UNC79: variants seen among roughly 807,000 people sequenced by gnomAD.
The protein encoded by UNC79 is protein unc-79 homolog.
A neutral mutation model predicts 283.1 loss-of-function variants in UNC79; 37 were observed. The ratio of observed to expected loss-of-function variants is 0.13; its 90% CI spans 0.10 to 0.17. The LOEUF (loss-of-function observed/expected upper bound fraction) is 0.17. Among genes scored for constraint, UNC79 ranks in the 10% least tolerant of loss-of-function variants. The pLI, the probability that UNC79 is intolerant of heterozygous loss-of-function variation, is 1.00. For missense variants in UNC79, 2,272 were observed against 3,211.1 expected, an observed-to-expected ratio of 0.71 and a Z score of 7.07; for synonymous variants, 1,107 against 1,200.2, an observed-to-expected ratio of 0.92 and a Z score of 1.61.
At chr14:93,399,144 C>T (rs2055055615) in intron 1 of UNC79, among the ~76,000 whole-genome samples, 1 of 152,096 alleles carries the variant, frequency 6.6e-6, no homozygotes, top group African/African-American at 2.4e-5. Flanking sequence ...TGTGAGAACT[C>T]ACTCACTATA....
chr14:93,342,121 C>T (rs1356724021), intron 1 of UNC79, among the ~76,000 whole-genome samples: 1 of 152,204 alleles, frequency 6.6e-6, no homozygotes. Context: ...CCACATTTCC[C>T]CCTCTCCATT....
intron 14 of UNC79, among the ~76,000 whole-genome samples, chr14:93,552,717 C>T (rs893796550): frequency 6.6e-5 from 10 of 151,648 alleles, no homozygotes; most frequent in Non-Finnish European, 1.5e-4. Context: ...TTTTAATTGG[C>T]TTTGCTGGAA....
intron 1 of UNC79, among the ~76,000 whole-genome samples, chr14:93,360,335 T>G (rs1465918056): frequency 6.6e-6 from 1 of 152,196 alleles, no homozygotes; most frequent in African/African-American, 2.4e-5. Context: ...CATCAAGGAT[T>G]TGAAATATAC....
intron 4 of UNC79, among the ~76,000 whole-genome samples, chr14:93,481,468 A>G (rs2058137880): frequency 6.6e-6 from 1 of 152,182 alleles, no homozygotes; most frequent in Non-Finnish European, 1.5e-5. Flanking sequence ...GTTATTGTAA[A>G]GATGATAATA....
intron 1 of UNC79, among the ~76,000 whole-genome samples, chr14:93,417,234 C>T (rs2055482531): frequency 6.6e-6 from 1 of 151,786 alleles, no homozygotes; most frequent in Non-Finnish European, 1.5e-5. Context: ...CAAAATCTCT[C>T]AGCATTTGCT....
chr14:93,609,248 C>A (rs2066118889), intron 26 of UNC79, among the ~76,000 whole-genome samples: 1 of 152,150 alleles, frequency 6.6e-6, no homozygotes, highest in African/African-American at 2.4e-5. Flanking sequence ...GTGAAGAGAG[C>A]ACCATGAGCA....
chr14:93,566,762 T>C (rs1485156991), intron 14 of UNC79, among the ~76,000 whole-genome samples: 2 of 150,910 alleles, frequency 1.3e-5, no homozygotes, highest in Non-Finnish European at 3.0e-5. Context: ...CTCAGCCTCC[T>C]GAGTAGCTGC....
chr14:93,440,925 G>A (rs1371088275), intron 1 of UNC79, among the ~76,000 whole-genome samples: 2 of 152,056 alleles, frequency 1.3e-5, no homozygotes, highest in Non-Finnish European at 2.9e-5. Flanking sequence ...ACAATAATAT[G>A]AGTTTGATGT....
chr14:93,377,373 T>C (rs7159778), intron 1 of UNC79, among the ~76,000 whole-genome samples: 107,366 of 151,934 alleles, frequency 0.71, 38,406 homozygotes, highest in Middle Eastern at 0.78. Context: ...GGATTACAGG[T>C]GTGAGCCACT....
chr14:93,567,392 A>T (rs929894640), intron 14 of UNC79, among the ~76,000 whole-genome samples: 2 of 151,898 alleles, frequency 1.3e-5, no homozygotes, highest in African/African-American at 4.8e-5. Flanking sequence ...TGCCTGGCCA[A>T]TTTTTTGTAT....
chr14:93,441,569 A>G (rs982171394), intron 1 of UNC79, among the ~76,000 whole-genome samples: 1 of 152,052 alleles, frequency 6.6e-6, no homozygotes, highest in Non-Finnish European at 1.5e-5. Flanking sequence ...AGACTTCTAC[A>G]TAATACTGCT....
At chr14:93,560,086 TG>T (rs1292821649) in intron 14 of UNC79, among the ~76,000 whole-genome samples, 4 of 152,192 alleles carry the variant, frequency 2.6e-5, no homozygotes, top group African/African-American at 9.6e-5. Context: ...TGATTGGTGA[TG>T]GCCTGGATAC....
rs566283235 is a variant in UNC79, at chr14:93,668,617, G to T, written c.6637-4734G>T. 3.9e-5 allele frequency among the ~76,000 whole-genome samples: 6 copies of T among 152,122 alleles called. No homozygotes were observed. In the East Asian group the frequency reaches 1.2e-3, roughly 29 times the overall value. On this transcript the variant is annotated intron_variant, in intron 40 of 48. Coordinates refer to ENST00000555664, the Ensembl canonical transcript of UNC79. ...CCTAGCACTTTGGGAGGTGAAGGTG[G>T]GTGGATTGTCTGAGCTCAGAAGTTT...
intron 1 of UNC79, among the ~76,000 whole-genome samples, chr14:93,335,801 C>T (rs1363140742): frequency 2.0e-5 from 3 of 152,222 alleles, no homozygotes; most frequent in African/African-American, 7.2e-5. Flanking sequence ...CTACCTGGGC[C>T]TGAAACCAAC....
At chr14:93,528,680 G>A (rs774721942) in intron 9 of UNC79, 34 bp downstream of exon 9, 20 of 1,586,528 alleles carry the variant, frequency 1.3e-5, no homozygotes, top group Non-Finnish European at 1.7e-5. Flanking sequence ...AAAGGAAATA[G>A]GACAACAATA....
intron 30 of UNC79, among the ~76,000 whole-genome samples, chr14:93,623,779 G>C (rs904166190): frequency 6.6e-6 from 1 of 152,202 alleles, no homozygotes; most frequent in Non-Finnish European, 1.5e-5. Flanking sequence ...TATCATCCCA[G>C]CTACTCAGGA....
intron 26 of UNC79, among the ~76,000 whole-genome samples, chr14:93,603,818 T>A (rs1255474032): frequency 6.6e-6 from 1 of 152,138 alleles, no homozygotes; most frequent in East Asian, 1.9e-4. Flanking sequence ...CAGTTGAAAT[T>A]TGGAATGTAT....
intron 30 of UNC79, among the ~76,000 whole-genome samples, chr14:93,628,075 C>G (rs1038699139): frequency 1.8e-4 from 27 of 152,164 alleles, no homozygotes; most frequent in Admixed American, 1.8e-3. Context: ...CCTTCATGTC[C>G]TCTCAACACA....
intron 14 of UNC79, among the ~76,000 whole-genome samples, chr14:93,571,402 G>A (rs1052891370): frequency 3.3e-5 from 5 of 152,142 alleles, no homozygotes; most frequent in East Asian, 1.9e-4. Context: ...AAAAAATTGT[G>A]GCAGGGTACG....
Sources: allele counts gnomAD v4.1 joint callset (sites outside exome capture counted in the v4.1 genomes callset), GRCh38; gene constraint gnomAD v4.1.1; transcripts MANE v1.5; gene names NCBI Gene and HGNC (gene_info 2026-07-23, HGNC 2026-07-21).